ITGB5: variants seen among roughly 807,000 people sequenced by gnomAD.
ITGB5 encodes the protein integrin subunit beta 5.
Under a neutral mutation model 84.8 loss-of-function variants are expected in ITGB5, and 38 were observed. The observed-to-expected ratio is 0.45, with a 90% confidence interval of 0.35 to 0.59. The LOEUF is 0.59. ITGB5 is among the 20% of genes least tolerant of loss of function. The pLI is 0.01. For missense variants in ITGB5, 905 were observed against 1,034.5 expected, an observed-to-expected ratio of 0.87 and a Z score of 1.72; for synonymous variants, 393 against 414.4, an observed-to-expected ratio of 0.95 and a Z score of 0.63.
intron 9 of ITGB5, among the ~76,000 whole-genome samples, chr3:124,797,791 A>C (rs954842809): frequency 6.6e-6 from 1 of 152,100 alleles, no homozygotes; most frequent in South Asian, 2.1e-4. Context: ...AGAGCAAGTC[A>C]CTGTGGATTC....
Position 124,797,245 on chromosome 3 carries a change from C to T in ITGB5, c.1264-428G>A, listed in dbSNP as rs1003036398. ...ATTTGGTGGAAAAACATTTCCTGGGCGCTGCCTCTGTGCCAGGCACAATGG... is the reference window on the plus strand; with the variant it reads ...ATTTGGTGGAAAAACATTTCCTGGGTGCTGCCTCTGTGCCAGGCACAATGG... On this transcript the variant is annotated intron_variant, in intron 9 of 14. Coordinates refer to ENST00000296181, the MANE Select transcript of ITGB5 (RefSeq NM_002213.5). Among the ~76,000 whole-genome samples the T allele has an allele frequency of 4.6e-5, 7 of 152,236 alleles. 1 individual carries two copies. Among genetic ancestry groups the T allele is most frequent in the Middle Eastern group, 6.3e-3 (2 of 316 alleles).
At chr3:124,861,495 T>TATACACACACACAC (rs750712591) in intron 2 of ITGB5, among the ~76,000 whole-genome samples, 1,615 of 111,840 alleles carry the variant, frequency 0.014, 59 homozygotes, top group African/African-American at 0.057. Context: ...TATATATATA[T>TATACACACACACAC]ACACACACAC....
At chr3:124,792,488 A>G (rs1196259144) in intron 10 of ITGB5, 1 of 152,230 alleles carries the variant, frequency 6.6e-6, no homozygotes, top group Non-Finnish European at 1.5e-5. Context: ...GGGTGAAAAG[A>G]GGTCTGGTTT....
At chr3:124,839,655 T>C (rs1466870793) in intron 5 of ITGB5, among the ~76,000 whole-genome samples, 1 of 152,250 alleles carries the variant, frequency 6.6e-6, no homozygotes, top group East Asian at 1.9e-4. Flanking sequence ...TTTGGCTGAA[T>C]GTCTGTGGAG....
At chr3:124,883,527 C>T (rs1332261639) in intron 1 of ITGB5, among the ~76,000 whole-genome samples, 1 of 152,196 alleles carries the variant, frequency 6.6e-6, no homozygotes, top group Admixed American at 6.5e-5. Flanking sequence ...TGGTTACCTA[C>T]AGAGAGCTGC....
chr3:124,816,382 T>C (rs1237035988), intron 8 of ITGB5, among the ~76,000 whole-genome samples: 1 of 152,244 alleles, frequency 6.6e-6, no homozygotes, highest in Non-Finnish European at 1.5e-5. Context: ...CTCACAGATG[T>C]GTGATGCCGT....
At chr3:124,883,832 G>C (rs768605342) in intron 1 of ITGB5, among the ~76,000 whole-genome samples, 33 of 152,186 alleles carry the variant, frequency 2.2e-4, no homozygotes, top group Non-Finnish European at 4.4e-4. Flanking sequence ...CCCTGGTTTT[G>C]TGGGAAGACC....
At chr3:124,820,787 C>A (rs893990196) in intron 6 of ITGB5, among the ~76,000 whole-genome samples, 3 of 152,162 alleles carry the variant, frequency 2.0e-5, no homozygotes, top group Non-Finnish European at 1.5e-5. Flanking sequence ...CAAATTCTTT[C>A]AAATTGCATA....
chr3:124,769,754 G>A (rs1217799626), intron 11 of ITGB5: 2 of 152,312 alleles, frequency 1.3e-5, no homozygotes, highest in East Asian at 1.9e-4. Flanking sequence ...CCATCTGCCA[G>A]GTCCCCCGTG....
At chr3:124,819,896 G>T in intron 6 of ITGB5, 62 bp from the exon 7 acceptor site, 1 of 1,179,300 alleles carries the variant, frequency 8.5e-7, no homozygotes, top group Non-Finnish European at 1.3e-6. Flanking sequence ...CCAGCACCTG[G>T]CTCCAATGCA....
intron 1 of ITGB5, among the ~76,000 whole-genome samples, chr3:124,898,568 C>T (rs1257497166): frequency 1.4e-4 from 18 of 125,914 alleles, no homozygotes; most frequent in East Asian, 2.8e-4. Flanking sequence ...GGCGTGAACC[C>T]GGGAGGCAGA....
At chr3:124,841,626 T>C in intron 4 of ITGB5, 75 bp from the exon 5 acceptor site, 1 of 1,463,138 alleles carries the variant, frequency 6.8e-7, no homozygotes, top group South Asian at 1.3e-5. Context: ...GAGCATTCAC[T>C]GAGTGCCTTG....
intron 1 of ITGB5, among the ~76,000 whole-genome samples, chr3:124,882,565 G>C (rs1241583915): frequency 6.6e-6 from 1 of 151,966 alleles, no homozygotes; most frequent in Non-Finnish European, 1.5e-5. Context: ...TGGAGCAAAG[G>C]ATCGAAGGGA....
At chr3:124,856,820 AT>A (rs1392592861) in intron 3 of ITGB5, among the ~76,000 whole-genome samples, 1 of 152,134 alleles carries the variant, frequency 6.6e-6, no homozygotes, top group Non-Finnish European at 1.5e-5. Context: ...CACATAAGAG[AT>A]TTCTCTTTCC....
chr3:124,798,108 G>C (rs1434714646), intron 9 of ITGB5, among the ~76,000 whole-genome samples: 2 of 132,710 alleles, frequency 1.5e-5, no homozygotes, highest in Non-Finnish European at 3.1e-5. Flanking sequence ...GCTGGAGTGC[G>C]GTGGCATGCA....
intron 12 of ITGB5, among the ~76,000 whole-genome samples, chr3:124,767,023 A>G (rs3772817): frequency 0.17 from 25,788 of 152,186 alleles, 2,360 homozygotes; most frequent in Admixed American, 0.25. Flanking sequence ...CCTTGCTGCC[A>G]TTCCCCAAGG....
rs371449568 is a variant in ITGB5, at chr3:124,870,749, C to T, written c.156+2697G>A. Among the ~76,000 whole-genome samples the T allele has an allele frequency of 1.2e-3, 177 of 149,570 alleles. 1 individual carries two copies. The highest frequency in any genetic ancestry group is 3.2e-3 in the African/African-American group (131 of 40,750). ...TCAAAAGAAAAAAAAAAAAAAAAACCCCAGTGGAGGGAGCTTACATTCTCA... is the reference window on the plus strand; with the variant it reads ...TCAAAAGAAAAAAAAAAAAAAAAACTCCAGTGGAGGGAGCTTACATTCTCA... On this transcript the variant is annotated intron_variant, in intron 2 of 14. Coordinates refer to ENST00000296181, the MANE Select transcript of ITGB5 (RefSeq NM_002213.5).
intron 2 of ITGB5, among the ~76,000 whole-genome samples, chr3:124,868,253 A>G (rs986508986): frequency 2.0e-5 from 3 of 152,142 alleles, no homozygotes; most frequent in African/African-American, 7.2e-5. Context: ...ACAGACTAAT[A>G]CATGTGTCTT....
intron 5 of ITGB5, among the ~76,000 whole-genome samples, chr3:124,826,933 C>A (rs1186097085): frequency 6.6e-6 from 1 of 152,316 alleles, no homozygotes. Flanking sequence ...GTTCATCACC[C>A]AGGCTTTCAG....
Sources: gnomAD v4.1 joint callset for allele counts (sites outside exome capture counted in the v4.1 genomes callset) on GRCh38, gnomAD v4.1.1 for gene constraint, MANE v1.5 for transcripts, NCBI Gene and HGNC (gene_info 2026-07-23, HGNC 2026-07-21) for gene names.